The following FLG variants were observed in gnomAD, a reference collection of about 807,000 sequenced individuals.
FLG encodes the protein filaggrin.
Under a neutral mutation model 3.8 loss-of-function variants are expected in FLG, and 6 were observed. The ratio of observed to expected loss-of-function variants is 1.60; its 90% CI spans 0.87 to 3.15. FLG has a LOEUF of 3.15. FLG is among the 30% of genes most tolerant of loss of function. The pLI is 0.00. For missense variants in FLG, 7,595 were observed against 5,050.9 expected (o/e 1.50, Z -15.27); for synonymous variants, 2,551 against 1,931.6 (o/e 1.32, Z -8.41).
At position 152,311,936 on chromosome 1, in the gene FLG, G is replaced by A. The variant is rs745712294; in HGVS notation, c.2950C>T (p.His984Tyr). ...AQEQSRHGSR[H>Y]PRSHHEDRAG... ...CTGTCTTCGTGATGGGACCTGGGGT[G>A]TCTGGAGCCATGTCTTGACTGCTCC... The change falls in exon 3 of 3, where the codon CAC becomes TAC. Residue 984 changes from histidine (H) to tyrosine (Y), a missense_variant. His to Tyr is a moderately conservative substitution (Grantham distance 83). Coordinates refer to ENST00000368799, the MANE Select transcript of FLG (RefSeq NM_002016.2). 2 of 1,614,154 alleles carry A rather than the reference G, an allele frequency of 1.2e-6. No individual in the cohort carries two copies. Among genetic ancestry groups the A allele is most frequent in the South Asian group, 2.2e-5 (2 of 91,072 alleles).
rs200552322 is a variant in FLG at position 152,305,074 on chromosome 1, G to C, written c.9812C>G (p.Ser3271Cys). ...TGCGTGACGAGTGCCTGATTGTCTG[G>C]AGCGGTCTGCAGAGTGCCCGTGACC... ...RAGHGHSADRSRQSGTRHAET... is the reference protein window; with the variant it reads ...RAGHGHSADRCRQSGTRHAET... The change falls in exon 3 of 3, where the codon TCC (serine) becomes TGC (cysteine). Residue 3271 changes from serine (S) to cysteine (C), a missense_variant. Transcript: ENST00000368799. The C allele has an allele frequency of 8.7e-6, 14 of 1,613,934 alleles. No homozygotes were observed. In the South Asian group the frequency reaches 1.4e-4, roughly 16 times the overall value.
In FLG at chr1:152,308,963, T is replaced by G. The variant is rs1255682108; in HGVS notation, c.5923A>C (p.Arg1975=). Residue 1975 remains arginine (R), a synonymous_variant, in exon 3 of 3, where the codon AGA becomes CGA. Transcript: ENST00000368799. ...AGHGHSADSS[R]QSGTRHTESS... Reference sequence around the variant, plus strand: ...TCTGTGTGACGAGTGCCTGATTGTCTGGAGCTGTCTGCAGAGTGCCCGTGA... The same window carrying G: ...TCTGTGTGACGAGTGCCTGATTGTCGGGAGCTGTCTGCAGAGTGCCCGTGA... 6.2e-7 allele frequency: 1 copy of G among 1,614,240 alleles called. No homozygotes were observed. The highest frequency in any genetic ancestry group is 2.2e-5 in the East Asian group (1 of 44,886).
chr1:152,307,624 T>C lies in FLG; in HGVS notation c.7262A>G (p.His2421Arg), dbSNP rs768619613. ...SGSFLYQVST[H>R]EQSESAHGRT... ...TCCATGGGCGGACTCAGACTGTTCA[T>C]GAGTGCTCACCTGGTAGAGGAAAGA... The change falls in exon 3 of 3, where the codon CAT becomes CGT. Residue 2421 changes from histidine to arginine, a missense_variant. By Grantham distance (29) the His-to-Arg change is conservative. Transcript: ENST00000368799. 22 of 1,613,550 alleles carry C rather than the reference T, an allele frequency of 1.4e-5. No homozygotes were observed. The highest frequency in any genetic ancestry group is 1.8e-5 in the Non-Finnish European group (21 of 1,179,904).
At chr1:152,316,620 T>G (rs909666478) in intron 1 of FLG, among the ~76,000 whole-genome samples, 9 of 152,132 alleles carry the variant, frequency 5.9e-5, no homozygotes, top group African/African-American at 2.2e-4. Flanking sequence ...AAATGCATTT[T>G]AAAGTTTATG....
In FLG at chr1:152,310,679, CT is replaced by C; in HGVS notation, c.4206del (p.Glu1403LysfsTer43). On this transcript the variant is annotated frameshift_variant, in exon 3 of 3. Coordinates refer to ENST00000368799, the MANE Select transcript of FLG (RefSeq NM_002016.2). LOFTEE classifies it low-confidence loss of function (END_TRUNC). Reference sequence around the variant, plus strand: ...GACACTGACTGTGTGTCTGAGTCTTCTGAATGTCCCTCACTGTTAGTGACCT... The same window carrying C: ...GACACTGACTGTGTGTCTGAGTCTTCGAATGTCCCTCACTGTTAGTGACCT... ...GSQVTNSEGH[S>X]EDSDTQSVSA... 6.2e-7 allele frequency: 1 copy of C among 1,614,110 alleles called. No individual in the cohort carries two copies. Among genetic ancestry groups the C allele is most frequent in the East Asian group, 2.2e-5 (1 of 44,856 alleles).
chr1:152,311,803 C>G lies in FLG; in HGVS notation c.3083G>C (p.Ser1028Thr), dbSNP rs112445659. 2.7e-5 allele frequency: 43 copies of G among 1,613,988 alleles called. No homozygotes were observed. In the Middle Eastern group the frequency reaches 4.9e-4, roughly 19 times the overall value. Residue 1028 changes from serine to threonine, a missense_variant, in exon 3 of 3, where the codon AGT becomes ACT. Ser to Thr is a moderately conservative substitution (Grantham distance 58). Transcript: ENST00000368799. ...AASSHEQARSSPGERHGSRHQ... is the reference protein window; with the variant it reads ...AASSHEQARSTPGERHGSRHQ... Reference sequence around the variant, plus strand: ...GCGGGATCCGTGTCTTTCTCCTGGACTTGATCTTGCCTGTTCATGGGATGA... The same window carrying G: ...GCGGGATCCGTGTCTTTCTCCTGGAGTTGATCTTGCCTGTTCATGGGATGA...
In FLG at chr1:152,308,320, G is replaced by A; in HGVS notation, c.6566C>T (p.Ala2189Val). The A allele has an allele frequency of 6.2e-7, 1 of 1,613,572 alleles. No homozygotes were observed. Among genetic ancestry groups the A allele is most frequent in the Non-Finnish European group, 8.5e-7 (1 of 1,179,780 alleles). The change falls in exon 3 of 3, where the codon GCA becomes GTA. Residue 2189 changes from alanine to valine, a missense_variant. Coordinates refer to ENST00000368799, the MANE Select transcript of FLG (RefSeq NM_002016.2). ...TTCCTTGTCATATGTTTTTCTGCTT[G>A]CACTTCTGGATCCTGACTGCCCACG... Reference protein sequence around the residue: ...ASRGQSGSRSASRKTYDKEQS... With the variant: ...ASRGQSGSRSVSRKTYDKEQS...
chr1:152,302,351 G>A lies in FLG; in HGVS notation c.*349C>T, dbSNP rs1221404769. On this transcript the variant is annotated 3_prime_UTR_variant, in exon 3 of 3. Transcript: ENST00000368799. ...ACTGTTTTATATTTTTGGCTCCTTC[G>A]ATATTTCTGAAAAAGATTAATTTAG... is the stretch of plus-strand genomic sequence containing the variant. The A allele has an allele frequency of 2.4e-5, 7 of 287,918 alleles. No individual in the cohort carries two copies. The highest frequency in any genetic ancestry group is 1.8e-4 in the East Asian group (2 of 10,882). 17.8% of individuals were successfully genotyped at this position (287,918 alleles called of 1,614,324 possible).
At chr1:152,315,762 C>G (rs1056865395) in intron 1 of FLG, among the ~76,000 whole-genome samples, 40 of 152,170 alleles carry the variant, frequency 2.6e-4, no homozygotes, top group Admixed American at 6.5e-4. Context: ...ATCCCTCTTG[C>G]TGATCTTGCC....
At position 152,303,119 on chromosome 1, in the gene FLG, T is replaced by C. The variant is rs1651706128; in HGVS notation, c.11767A>G (p.Ser3923Gly). Residue 3923 changes from serine to glycine, a missense_variant, in exon 3 of 3, where the codon AGT (serine) becomes GGT (glycine). Coordinates refer to ENST00000368799, the MANE Select transcript of FLG (RefSeq NM_002016.2). ...AAGTGACCATGTTCCTTAGCGGTAC[T>C]AGAGTCTGACTGTACAGGTGAAGAC... ...VQSSPVQSDS[S>G]TAKEHGHFSS... The C allele has an allele frequency of 6.2e-7, 1 of 1,614,102 alleles. No homozygotes were observed. Among genetic ancestry groups the C allele is most frequent in the African/African-American group, 1.3e-5 (1 of 74,928 alleles).
rs372766052 is a variant in FLG at position 152,311,198 on chromosome 1, A to T, written c.3688T>A (p.Ser1230Thr). ...TRKDKQSGDGSRHSGSRHHEA... is the reference protein window; with the variant it reads ...TRKDKQSGDGTRHSGSRHHEA... ...TGGTGACGTGACCCTGAGTGCCTGGAGCCGTCTCCTGATTGTTTGTCCTTA... is the reference window on the plus strand; with the variant it reads ...TGGTGACGTGACCCTGAGTGCCTGGTGCCGTCTCCTGATTGTTTGTCCTTA... Residue 1230 changes from serine to threonine, a missense_variant, in exon 3 of 3, where the codon TCC becomes ACC. Coordinates refer to ENST00000368799, the MANE Select transcript of FLG (RefSeq NM_002016.2). 1.1e-4 allele frequency: 184 copies of T among 1,613,434 alleles called. No individual in the cohort carries two copies. Among genetic ancestry groups the T allele is most frequent in the Non-Finnish European group, 1.5e-4 (178 of 1,179,950 alleles).
At position 152,304,608 on chromosome 1, in the gene FLG, C is replaced by A. The variant is rs146896940; in HGVS notation, c.10278G>T (p.Ala3426=). 6 of 1,610,346 alleles carry A rather than the reference C, an allele frequency of 3.7e-6. No individual in the cohort carries two copies. The highest frequency in any genetic ancestry group is 1.3e-5 in the African/African-American group (1 of 74,336). ...GAATGGTGTCCTGACCCTCTTGGGA[C>A]GCTGAGTGCCTGGAGCTGTCTCGTG... is the stretch of plus-strand genomic sequence containing the variant. ...EQARDSSRHS[A]SQEGQDTIRG... The change falls in exon 3 of 3, where the codon GCG becomes GCT. Residue 3426 remains alanine, a synonymous_variant. Transcript: ENST00000368799.
In FLG at chr1:152,306,159, C is replaced by T; in HGVS notation, c.8727G>A (p.Gly2909=). The T allele has an allele frequency of 3.1e-6, 5 of 1,601,542 alleles. No homozygotes were observed. Among genetic ancestry groups the T allele is most frequent in the East Asian group, 2.2e-5 (1 of 44,880 alleles). ...ATCCATGATGGTTTCTGGAAGCAGACCCAGACCACCTCTCAGAGTCTTCTG... is the reference window on the plus strand; with the variant it reads ...ATCCATGATGGTTTCTGGAAGCAGATCCAGACCACCTCTCAGAGTCTTCTG... ...GHSEDSERWS[G]SASRNHHGSA... The change falls in exon 3 of 3, where the codon GGG becomes GGA. Residue 2909 remains glycine (G), a synonymous_variant. Transcript: ENST00000368799.
At chr1:152,318,936 G>T (rs775513539) in intron 1 of FLG, among the ~76,000 whole-genome samples, 3 of 151,774 alleles carry the variant, frequency 2.0e-5, no homozygotes. Context: ...GAGGTTTTGT[G>T]GTAGAGGGGA....
rs769840979 is a variant in FLG at position 152,306,316 on chromosome 1, C to T, written c.8570G>A (p.Arg2857His). 4.8e-5 allele frequency: 77 copies of T among 1,602,764 alleles called. No individual in the cohort carries two copies. The Middle Eastern group carries it at 5.0e-4, about 10-fold the overall frequency. The change falls in exon 3 of 3, where the codon CGT becomes CAT. Residue 2857 changes from arginine (R) to histidine (H), a missense_variant. Arg to His is a conservative substitution (Grantham distance 29, BLOSUM62 0). Transcript: ENST00000368799. The stretch of plus-strand genomic sequence containing the variant: ...GGCATGAGTGGAAGCTTCATGGTGA[C>T]GCGACCCTGAGTGCCTGGAGCCGTC... ...SGDGSRHSGS[R>H]HHEASTHADI...
At chr1:152,325,012 G>A (rs1317461786) in intron 1 of FLG, among the ~76,000 whole-genome samples, 177 bp downstream of exon 1, 2 of 151,786 alleles carry the variant, frequency 1.3e-5, no homozygotes, top group Admixed American at 6.6e-5. Context: ...TCCATGGAAA[G>A]CAAATTTATG....
chr1:152,308,560 G>T lies in FLG; in HGVS notation c.6326C>A (p.Pro2109His), dbSNP rs1320418005. The T allele has an allele frequency of 1.2e-6, 2 of 1,614,070 alleles. No individual in the cohort carries two copies. The highest frequency in any genetic ancestry group is 2.2e-5 in the South Asian group (2 of 91,066). Residue 2109 changes from proline (P) to histidine (H), a missense_variant, in exon 3 of 3, where the codon CCC becomes CAC. By Grantham distance (77) the Pro-to-His change is moderately conservative. Transcript: ENST00000368799. ...GGATCCTTGTCTTCCTCCAGTGCTG[G>T]GCGCAGACTGTCCATGGGTGGACTC... ...QSESTHGQSA[P>H]STGGRQGSHY...
Position 152,303,168 on chromosome 1 carries a change from G to C in FLG, c.11718C>G (p.His3906Gln). ...ACTGTACATGACTGGCTGTATCGCG[G>C]TGAGAGGATCCGGGGTGTCTGGAGC... The part of the protein sequence containing the change: ...RDGSRHPGSS[H>Q]RDTASHVQSS... Residue 3906 changes from histidine to glutamine, a missense_variant, in exon 3 of 3, where the codon CAC becomes CAG. His to Gln is a conservative substitution (Grantham distance 24, BLOSUM62 0). Coordinates refer to ENST00000368799, the MANE Select transcript of FLG (RefSeq NM_002016.2). The C allele has an allele frequency of 3.1e-6, 5 of 1,614,182 alleles. No homozygotes were observed. Among genetic ancestry groups the C allele is most frequent in the Non-Finnish European group, 4.2e-6 (5 of 1,180,036 alleles).
At position 152,314,709 on chromosome 1, in the gene FLG, A is replaced by T; in HGVS notation, c.177T>A (p.Asp59Glu). The T allele has an allele frequency of 6.2e-7, 1 of 1,613,912 alleles. No individual in the cohort carries two copies. The highest frequency in any genetic ancestry group is 8.5e-7 in the Non-Finnish European group (1 of 1,179,806). ...DDPDMVDVFM[D>E]HLDIDHNKKI... is the part of the protein sequence containing the mutation. ...TCTTGTTGTGGTCTATATCCAAGTGATCCATGAAGACATCAACCATATCTG... is the reference window on the plus strand; with the variant it reads ...TCTTGTTGTGGTCTATATCCAAGTGTTCCATGAAGACATCAACCATATCTG... Residue 59 changes from aspartate to glutamate, a missense_variant, in exon 3 of 3, where the codon GAT (aspartate) becomes GAA (glutamate). Transcript: ENST00000368799.
Sources: gnomAD v4.1 joint callset for allele counts (sites outside exome capture counted in the v4.1 genomes callset) on GRCh38, gnomAD v4.1.1 for gene constraint, MANE v1.5 for transcripts, NCBI Gene and HGNC (gene_info 2026-07-23, HGNC 2026-07-21) for gene names.